Variants in ADAM12 observed in about 807,000 individuals in gnomAD.
ADAM12 encodes ADAM metallopeptidase domain 12.
In ADAM12, 70 loss-of-function variants were observed where a neutral mutation model predicts 106.4. The observed-to-expected ratio is 0.66, with a 90% CI of 0.54 to 0.80. The LOEUF is 0.80. Ranked by LOEUF, ADAM12 falls within the 30% of genes least tolerant of loss-of-function variation. ADAM12 has a pLI of 0.00. For missense variants in ADAM12, 1,010 were observed against 1,171.9 expected (o/e 0.86, Z 2.02); for synonymous variants, 420 against 433.5 (o/e 0.97, Z 0.39).
intron 2 of ADAM12, among the ~76,000 whole-genome samples, chr10:126,281,717 C>A (rs575907109): frequency 6.6e-6 from 1 of 152,138 alleles, no homozygotes; most frequent in Non-Finnish European, 1.5e-5. Context: ...CGGTAAAATA[C>A]GGCATTCCTT....
chr10:126,055,572 G>A (rs563173472), intron 14 of ADAM12, among the ~76,000 whole-genome samples: 7 of 152,240 alleles, frequency 4.6e-5, no homozygotes, highest in South Asian at 4.1e-4. Flanking sequence ...GCAACTTGCC[G>A]AAGATCACAA....
intron 11 of ADAM12, among the ~76,000 whole-genome samples, chr10:126,086,510 C>A (rs1288466205): frequency 2.1e-5 from 3 of 144,594 alleles, no homozygotes; most frequent in Admixed American, 7.0e-5. Flanking sequence ...ACCCCATCTC[C>A]ACTAAAAATA....
At chr10:126,109,031 T>C (rs1955823920) in intron 7 of ADAM12, among the ~76,000 whole-genome samples, 1 of 152,236 alleles carries the variant, frequency 6.6e-6, no homozygotes, top group South Asian at 2.1e-4. Context: ...TTATATTTGT[T>C]TTTAAAAATT....
chr10:126,348,863 T>C (rs1007700814), intron 1 of ADAM12, among the ~76,000 whole-genome samples: 2 of 152,218 alleles, frequency 1.3e-5, no homozygotes, highest in African/African-American at 2.4e-5. Flanking sequence ...ATATGTCCCA[T>C]GCAATACTGA....
chr10:126,113,677 AAAAAAAAAAAAT>A, intron 6 of ADAM12, among the ~76,000 whole-genome samples: 1 of 59,014 alleles, frequency 1.7e-5, no homozygotes, highest in South Asian at 6.3e-4. Flanking sequence ...AAAAAAAAAA[AAAAAAAAAAAAT>A]ATATATATAT....
chr10:126,377,905 A>G (rs1267500770), intron 1 of ADAM12, among the ~76,000 whole-genome samples: 1 of 152,240 alleles, frequency 6.6e-6, no homozygotes, highest in Non-Finnish European at 1.5e-5. Context: ...CTAAAAGCGA[A>G]AAGCAAAAAT....
At chr10:126,348,423 T>C (rs937647991) in intron 1 of ADAM12, among the ~76,000 whole-genome samples, 2 of 152,016 alleles carry the variant, frequency 1.3e-5, no homozygotes, top group African/African-American at 4.8e-5. Flanking sequence ...GGAAGCTTCT[T>C]ATATGGAAAG....
chr10:126,326,204 A>AG (rs1854296388), intron 2 of ADAM12, among the ~76,000 whole-genome samples: 1 of 147,256 alleles, frequency 6.8e-6, no homozygotes, highest in Non-Finnish European at 1.5e-5. Context: ...ACCGGGGAGT[A>AG]TTTTTTTTTT....
At chr10:126,148,156 C>T (rs1956663513) in intron 4 of ADAM12, among the ~76,000 whole-genome samples, 1 of 152,126 alleles carries the variant, frequency 6.6e-6, no homozygotes. Flanking sequence ...TGATTAACTC[C>T]AAAATTAAAA....
rs1203222012 is a variant in ADAM12 at position 126,016,011 on chromosome 10, T to A, written c.*1268A>T. 3 of 152,216 alleles carry A rather than the reference T, an allele frequency of 2.0e-5. No homozygotes were observed. The highest frequency in any genetic ancestry group is 4.4e-5 in the Non-Finnish European group (3 of 68,040). The allele number at this position is 152,216 out of a possible 1,614,324, so 9.4% of individuals were successfully genotyped here. On this transcript the variant is annotated 3_prime_UTR_variant, in exon 23 of 23. Coordinates refer to ENST00000448723, the MANE Select transcript of ADAM12 (RefSeq NM_001288973.2). ...AAGCAAGTTGATTTCCTTATCACAT[T>A]CTGTGATGCTCAACAGGTAGGTTGC...
At chr10:126,262,064 G>A (rs1959012941) in intron 3 of ADAM12, among the ~76,000 whole-genome samples, 1 of 152,068 alleles carries the variant, frequency 6.6e-6, no homozygotes, top group Non-Finnish European at 1.5e-5. Context: ...AATAGTATAG[G>A]TTGAACTAAC....
chr10:126,367,924 T>C (rs1855967182), intron 1 of ADAM12, among the ~76,000 whole-genome samples: 2 of 152,054 alleles, frequency 1.3e-5, no homozygotes, highest in African/African-American at 2.4e-5. Context: ...CCTTAACTTA[T>C]GAGGCCAGTA....
intron 5 of ADAM12, among the ~76,000 whole-genome samples, chr10:126,124,912 G>A (rs1278310): frequency 0.58 from 75,056 of 129,876 alleles, 22,306 homozygotes; most frequent in African/African-American, 0.62. Flanking sequence ...AAAAAAAAAA[G>A]AAAAAGAAAA....
chr10:126,018,269 G>A (rs2133370490), intron 22 of ADAM12, among the ~76,000 whole-genome samples: 1 of 152,312 alleles, frequency 6.6e-6, no homozygotes, highest in Non-Finnish European at 1.5e-5. Flanking sequence ...CTGCCAAGAG[G>A]GCATGTGTGT....
intron 16 of ADAM12, among the ~76,000 whole-genome samples, chr10:126,048,452 G>C (rs1186409661): frequency 6.6e-6 from 1 of 152,154 alleles, no homozygotes; most frequent in Non-Finnish European, 1.5e-5. Flanking sequence ...GGCTCAGGGT[G>C]TGTGGGGCCA....
intron 3 of ADAM12, among the ~76,000 whole-genome samples, chr10:126,208,852 G>GTTT (rs5788775): frequency 1.1e-3 from 159 of 145,736 alleles, no homozygotes; most frequent in African/African-American, 3.1e-3. Flanking sequence ...AAAAAAGAAA[G>GTTT]TTTTTTTTTT....
At chr10:126,045,125 G>T (rs1954280719) in intron 17 of ADAM12, among the ~76,000 whole-genome samples, 1 of 152,222 alleles carries the variant, frequency 6.6e-6, no homozygotes, top group Admixed American at 6.5e-5. Flanking sequence ...CTTGCAGCTT[G>T]CCGGCCATAT....
At chr10:126,338,114 T>C (rs1285144964) in intron 1 of ADAM12, among the ~76,000 whole-genome samples, 2 of 152,194 alleles carry the variant, frequency 1.3e-5, no homozygotes, top group Non-Finnish European at 2.9e-5. Context: ...AAGCTAGTTA[T>C]AGCTTCTCAT....
Position 126,294,480 on chromosome 10 carries a change from G to A in ADAM12, c.187-15492C>T, listed in dbSNP as rs536913134. ...TTAAGGGGTCACTGTGGAAACTGCA[G>A]GATTTCTCCCGCGACAGTCTCGGCT... On this transcript the variant is annotated intron_variant, in intron 2 of 22. Transcript: ENST00000448723. Among the ~76,000 whole-genome samples, 104 of 152,268 alleles carry A rather than the reference G, an allele frequency of 6.8e-4. 1 individual carries two copies. The highest frequency in any genetic ancestry group is 3.4e-4 in the Non-Finnish European group (23 of 68,022).
Sources: gnomAD v4.1 joint callset for allele counts (sites outside exome capture counted in the v4.1 genomes callset) on GRCh38, gnomAD v4.1.1 for gene constraint, MANE v1.5 for transcripts, NCBI Gene and HGNC (gene_info 2026-07-23, HGNC 2026-07-21) for gene names.